The following PHACTR1 variants were observed in gnomAD, a reference collection of about 807,000 sequenced individuals.
PHACTR1 encodes phosphatase and actin regulator 1.
In PHACTR1, 16 loss-of-function variants were observed where a neutral mutation model predicts 69.2. That is an observed-to-expected ratio of 0.23 (90% CI 0.16 to 0.35). The LOEUF is 0.35. Ranked by LOEUF, PHACTR1 falls within the 10% of genes least tolerant of loss-of-function variation. The probability of loss-of-function intolerance (pLI) is 1.00; values close to 1 mark genes in which losing one functional copy is unlikely to be tolerated. For missense variants in PHACTR1, 510 were observed against 734.7 expected (o/e 0.69, Z 3.54); for synonymous variants, 312 against 284.5 (o/e 1.10, Z -0.97).
chr6:13,106,163 TA>T (rs1816096378), intron 5 of PHACTR1, among the ~76,000 whole-genome samples: 1 of 152,258 alleles, frequency 6.6e-6, no homozygotes, highest in Non-Finnish European at 1.5e-5. Context: ...ATTCCTCAGA[TA>T]AAAGTTCTTT....
chr6:13,125,035 G>C (rs1172083607), intron 5 of PHACTR1, among the ~76,000 whole-genome samples: 3 of 152,174 alleles, frequency 2.0e-5, no homozygotes, highest in African/African-American at 7.2e-5. Context: ...CCAGTAAAAT[G>C]ATAAAGGGGC....
Position 12,923,462 on chromosome 6 carries a change from T to C in PHACTR1, c.251-129903T>C, listed in dbSNP as rs376373328. On this transcript the variant is annotated intron_variant, in intron 4 of 14. Coordinates refer to ENST00000332995, the MANE Select transcript of PHACTR1 (RefSeq NM_030948.6). ...CAAATATTATGATAGCACAATGCAA[T>C]ATCCTTGACATCATGCATGACTTCT... Among the ~76,000 whole-genome samples the C allele has an allele frequency of 2.0e-4, 31 of 152,328 alleles. 1 individual carries two copies. In the South Asian group the frequency reaches 6.2e-3, roughly 31 times the overall value.
rs897165103 is a variant in PHACTR1, at chr6:12,813,044, C to T, written c.250+63254C>T. Among the ~76,000 whole-genome samples, 8 of 152,070 alleles carry T rather than the reference C, an allele frequency of 5.3e-5. 1 individual carries two copies. The highest frequency in any genetic ancestry group is 1.2e-4 in the Non-Finnish European group (8 of 68,010). ...TTTATTTCTCTAATTGGTTGTGAAG[C>T]TTTGTCAACTAGGAGATAGTAAAAA... is the stretch of plus-strand genomic sequence containing the variant. On this transcript the variant is annotated intron_variant, in intron 4 of 14. Transcript: ENST00000332995.
At chr6:13,251,777 A>T (rs879698413) in intron 10 of PHACTR1, among the ~76,000 whole-genome samples, 9,343 of 151,980 alleles carry the variant, frequency 0.061, 522 homozygotes, top group African/African-American at 0.15. Flanking sequence ...GAATTAGTGA[A>T]AAATCATTTA....
intron 6 of PHACTR1, 124 bp from the exon 7 acceptor site, chr6:13,182,395 G>A: frequency 9.1e-7 from 1 of 1,095,792 alleles, no homozygotes; most frequent in Admixed American, 1.8e-5. Context: ...CAAAATAACA[G>A]ATGTTGGTTT....
chr6:12,977,460 C>A (rs893629477), intron 4 of PHACTR1, among the ~76,000 whole-genome samples: 2 of 151,790 alleles, frequency 1.3e-5, no homozygotes, highest in African/African-American at 4.8e-5. Flanking sequence ...GGACCCATTT[C>A]TTTTAGCTTA....
intron 10 of PHACTR1, among the ~76,000 whole-genome samples, chr6:13,261,501 T>C (rs1002797302): frequency 2.0e-5 from 3 of 152,152 alleles, no homozygotes; most frequent in African/African-American, 7.2e-5. Context: ...ATTGAAAAGT[T>C]TGAAATGGCA....
intron 5 of PHACTR1, among the ~76,000 whole-genome samples, chr6:13,134,795 T>TAAAA (rs35318262): frequency 1.9e-4 from 21 of 111,348 alleles, no homozygotes; most frequent in African/African-American, 4.7e-4. Context: ...CAATAAATAC[T>TAAAA]AAAAAAAAAA....
intron 8 of PHACTR1, among the ~76,000 whole-genome samples, chr6:13,208,730 A>G (rs574151894): frequency 6.6e-6 from 1 of 151,264 alleles, no homozygotes; most frequent in African/African-American, 2.4e-5. Flanking sequence ...TTAATAGTAT[A>G]TTGCTAAATA....
chr6:13,010,900 A>T (rs1223648217), intron 4 of PHACTR1, among the ~76,000 whole-genome samples: 3 of 152,146 alleles, frequency 2.0e-5, no homozygotes, highest in Non-Finnish European at 4.4e-5. Flanking sequence ...GGTACAGAGC[A>T]GGGTCAAGAG....
At chr6:13,123,048 G>C (rs1818966747) in intron 5 of PHACTR1, among the ~76,000 whole-genome samples, 1 of 152,160 alleles carries the variant, frequency 6.6e-6, no homozygotes. Context: ...CAAGAACGTA[G>C]CAAATTTCCC....
At chr6:12,826,690 C>T (rs1164913622) in intron 4 of PHACTR1, among the ~76,000 whole-genome samples, 1 of 152,162 alleles carries the variant, frequency 6.6e-6, no homozygotes, top group African/African-American at 2.4e-5. Context: ...TGCAGTGCAT[C>T]TGAAATATAC....
chr6:13,157,613 T>C (rs1758370205), intron 5 of PHACTR1, among the ~76,000 whole-genome samples: 1 of 152,248 alleles, frequency 6.6e-6, no homozygotes. Context: ...TCTGCTCACC[T>C]CATTGCAGAT....
At chr6:12,772,808 C>T (rs1300867355) in intron 4 of PHACTR1, among the ~76,000 whole-genome samples, 1 of 152,156 alleles carries the variant, frequency 6.6e-6, no homozygotes, top group Non-Finnish European at 1.5e-5. Flanking sequence ...ATTTATATTG[C>T]ATAAAGCATG....
intron 4 of PHACTR1, among the ~76,000 whole-genome samples, chr6:12,902,243 C>T (rs548247590): frequency 2.6e-5 from 4 of 152,100 alleles, no homozygotes; most frequent in East Asian, 1.9e-4. Flanking sequence ...GCCAAAATGG[C>T]GAAACGCTGT....
intron 4 of PHACTR1, among the ~76,000 whole-genome samples, chr6:12,987,561 A>G (rs1427319473): frequency 6.6e-6 from 1 of 152,168 alleles, no homozygotes. Context: ...TTCTAGTTCC[A>G]AAAGGATGGC....
chr6:13,038,528 C>G (rs1456323005), intron 4 of PHACTR1, among the ~76,000 whole-genome samples: 1 of 146,052 alleles, frequency 6.8e-6, no homozygotes, highest in African/African-American at 2.5e-5. Context: ...GGCTCCTTTA[C>G]AAACTAAAAA....
At chr6:13,110,559 T>C (rs1816880286) in intron 5 of PHACTR1, among the ~76,000 whole-genome samples, 1 of 152,222 alleles carries the variant, frequency 6.6e-6, no homozygotes, top group South Asian at 2.1e-4. Context: ...CTTTCTCCTC[T>C]CTAGTACTCT....
intron 4 of PHACTR1, among the ~76,000 whole-genome samples, chr6:12,823,721 G>C (rs373992971): frequency 1.3e-5 from 2 of 152,120 alleles, no homozygotes; most frequent in South Asian, 2.1e-4. Context: ...TTTCGATTTT[G>C]TCGGTTGGTC....
Sources: gnomAD v4.1 joint callset for allele counts (sites outside exome capture counted in the v4.1 genomes callset) on GRCh38, gnomAD v4.1.1 for gene constraint, MANE v1.5 for transcripts, NCBI Gene and HGNC (gene_info 2026-07-23, HGNC 2026-07-21) for gene names.